The following CELF2 variants were observed in gnomAD, a reference collection of about 807,000 sequenced individuals.
CELF2 encodes CUGBP Elav-like family member 2.
CELF2 carries 8 observed loss-of-function variants against 62.6 expected under a neutral mutation model. The observed-to-expected ratio is 0.13, with a 90% CI of 0.07 to 0.23. The LOEUF (loss-of-function observed/expected upper bound fraction) is 0.23. CELF2 is among the 10% of genes least tolerant of loss of function. The probability of loss-of-function intolerance (pLI) is 1.00; values close to 1 mark genes in which losing one functional copy is unlikely to be tolerated. For synonymous variants in CELF2, 258 were observed against 250.0 expected (o/e 1.03, Z -0.30); for missense variants, 333 against 671.0 (o/e 0.50, Z 5.56).
the CELF2 span, among the ~76,000 whole-genome samples, chr10:10,722,103 C>T: frequency 6.6e-6 from 1 of 151,732 alleles, no homozygotes; most frequent in Non-Finnish European, 1.5e-5. Context: ...AGGAGTGGGA[C>T]CAGCCTGGGC....
chr10:10,720,382 G>A, the CELF2 span, among the ~76,000 whole-genome samples: 1 of 152,086 alleles, frequency 6.6e-6, no homozygotes, highest in South Asian at 2.1e-4. Context: ...GGCTCTCATT[G>A]CCAGCACCCC....
At position 11,270,050 on chromosome 10, in the gene CELF2, A is replaced by G. The variant is rs539119977; in HGVS notation, c.619-616A>G. Among the ~76,000 whole-genome samples, 2 of 152,298 alleles carry G rather than the reference A, an allele frequency of 1.3e-5. No individual in the cohort carries two copies. Among genetic ancestry groups the G allele is most frequent in the Non-Finnish European group, 2.9e-5 (2 of 68,024 alleles). ...GGGAAGAGGCCTCTCTGAAAACGTGAACGGTTACTTTGGAGAATGCCTGTG... is the reference window on the plus strand; with the variant it reads ...GGGAAGAGGCCTCTCTGAAAACGTGGACGGTTACTTTGGAGAATGCCTGTG... On this transcript the variant is annotated intron_variant, in intron 6 of 12. Transcript: ENST00000633077. The surrounding 1 kb of genome is among the most constrained non-coding windows in gnomAD (Gnocchi z 5.8).
At chr10:11,326,551 A>G (rs535477983) in intron 12 of CELF2, among the ~76,000 whole-genome samples, 3 of 152,310 alleles carry the variant, frequency 2.0e-5, no homozygotes, top group East Asian at 3.9e-4. Context: ...CTCAGCTGCC[A>G]TGCCCCCTTT....
chr10:11,023,458 G>C (rs958078839), intron 1 of CELF2, among the ~76,000 whole-genome samples: 1 of 152,218 alleles, frequency 6.6e-6, no homozygotes, highest in Non-Finnish European at 1.5e-5. Flanking sequence ...ATGCTTTCAG[G>C]TAATTGTAAA....
chr10:10,655,984 G>A, the CELF2 span, among the ~76,000 whole-genome samples: 1 of 145,156 alleles, frequency 6.9e-6, no homozygotes, highest in Non-Finnish European at 1.5e-5. Flanking sequence ...CTGACAAAGG[G>A]CTAATATCCA....
intron 2 of CELF2, among the ~76,000 whole-genome samples, chr10:10,943,672 C>A (rs568105745): frequency 2.0e-5 from 3 of 152,222 alleles, no homozygotes; most frequent in African/African-American, 4.8e-5. Context: ...AATCTTGGTT[C>A]ACTGCAACCT....
rs2066098201 is a variant in CELF2 at position 10,931,871 on chromosome 10, A to T, written c.89+11872A>T. ...GCTAGGGAGGCCTCACAACCATGGC[A>T]GAAGGTGAATGAGGATCAAAGTCAT... On this transcript the variant is annotated intron_variant, in intron 2 of 13. Coordinates refer to the CELF2 transcript ENST00000636488. This position sits in a 1 kb window ranked among gnomAD's most constrained non-coding sequence, Gnocchi z 6.1. Among the ~76,000 whole-genome samples the T allele has an allele frequency of 6.6e-6, 1 of 152,218 alleles. No individual in the cohort carries two copies. The highest frequency in any genetic ancestry group is 2.1e-4 in the South Asian group (1 of 4,836).
chr10:11,048,378 A>G (rs1450742162), intron 1 of CELF2, among the ~76,000 whole-genome samples: 1 of 152,236 alleles, frequency 6.6e-6, no homozygotes, highest in African/African-American at 2.4e-5. Flanking sequence ...TATTACGTAT[A>G]TAAAAGTAGT....
At chr10:11,103,498 T>G (rs548930905) in intron 1 of CELF2, among the ~76,000 whole-genome samples, 1 of 150,472 alleles carries the variant, frequency 6.6e-6, no homozygotes, top group South Asian at 2.1e-4. Context: ...TTTTTTTTTT[T>G]TTTTTTTTTA....
At chr10:10,505,515 C>T in the CELF2 span, among the ~76,000 whole-genome samples, 1 of 152,006 alleles carries the variant, frequency 6.6e-6, no homozygotes, top group Non-Finnish European at 1.5e-5. Flanking sequence ...ATAGAGACCA[C>T]TAACACCAAG....
intron 1 of CELF2, among the ~76,000 whole-genome samples, chr10:10,904,890 A>G (rs1300579302): frequency 6.6e-6 from 1 of 152,238 alleles, no homozygotes; most frequent in Non-Finnish European, 1.5e-5. Flanking sequence ...ATCTATAAGT[A>G]AAATTGAGGA....
In CELF2 at chr10:10,947,894, G is replaced by A. The variant is rs1352174847; in HGVS notation, c.89+27895G>A. Among the ~76,000 whole-genome samples, 1 of 152,176 alleles carries A rather than the reference G, an allele frequency of 6.6e-6. No individual in the cohort carries two copies. Among genetic ancestry groups the A allele is most frequent in the East Asian group, 1.9e-4 (1 of 5,202 alleles). The stretch of plus-strand genomic sequence containing the variant: ...GAGGTGGGATCCCATAGGAGCTTGA[G>A]GCAAGAACGTCCAAGCATGGTAGAA... On this transcript the variant is annotated intron_variant, in intron 2 of 13. Coordinates refer to the CELF2 transcript ENST00000636488. The surrounding 1 kb of genome is among the most constrained non-coding windows in gnomAD (Gnocchi z 4.1).
At chr10:11,019,382 C>T (rs2057921505) in intron 1 of CELF2, among the ~76,000 whole-genome samples, 2 of 152,120 alleles carry the variant, frequency 1.3e-5, no homozygotes, top group Middle Eastern at 3.2e-3. Context: ...CTGTTCTACC[C>T]ACTGTAGGAC....
rs1194814816 is a variant in CELF2 at position 11,183,052 on chromosome 10, GA to G, written c.271+17373del. On this transcript the variant is annotated intron_variant, in intron 2 of 12. Coordinates refer to ENST00000633077, the MANE Select transcript of CELF2 (RefSeq NM_001326342.2). ...CATCTTAACATATGTATACACCTGTGAAACCATCACAACAATCAAAATAACA... is the reference window on the plus strand; with the variant it reads ...CATCTTAACATATGTATACACCTGTGAACCATCACAACAATCAAAATAACA... 2.6e-5 allele frequency among the ~76,000 whole-genome samples: 4 copies of G among 152,252 alleles called. No homozygotes were observed. The East Asian group carries it at 7.7e-4, about 29-fold the overall frequency.
At position 11,302,220 on chromosome 10, in the gene CELF2, G is replaced by A. The variant is rs1477091446; in HGVS notation, c.977-11919G>A. Reference sequence around the variant, plus strand: ...CACAAACCAAACCTTCCCACTCCCTGCAGCCTCTCACCTTCTCATGCCTCA... The same window carrying A: ...CACAAACCAAACCTTCCCACTCCCTACAGCCTCTCACCTTCTCATGCCTCA... On this transcript the variant is annotated intron_variant, in intron 9 of 12. Transcript: ENST00000633077. The surrounding 1 kb of genome is among the most constrained non-coding windows in gnomAD (Gnocchi z 5.0). 2.0e-5 allele frequency among the ~76,000 whole-genome samples: 3 copies of A among 152,192 alleles called. No homozygotes were observed. Among genetic ancestry groups the A allele is most frequent in the Admixed American group, 1.3e-4 (2 of 15,278 alleles).
chr10:10,937,631 G>A (rs1414459967), intron 2 of CELF2: 1 of 152,158 alleles, frequency 6.6e-6, no homozygotes, highest in East Asian at 1.9e-4. Flanking sequence ...ATCATATTAG[G>A]ATACAGTATC....
At chr10:10,480,365 C>A in the CELF2 span, among the ~76,000 whole-genome samples, 1 of 152,116 alleles carries the variant, frequency 6.6e-6, no homozygotes, top group East Asian at 1.9e-4. Flanking sequence ...AGAGTCAGCT[C>A]CCCTTATCTA....
chr10:11,228,104 T>C lies in CELF2; in HGVS notation c.354+10597T>C, dbSNP rs149199026. On this transcript the variant is annotated intron_variant, in intron 3 of 12. Coordinates refer to ENST00000633077, the MANE Select transcript of CELF2 (RefSeq NM_001326342.2). The stretch of plus-strand genomic sequence containing the variant: ...CTATATATGTTATATGCTTAGTAAA[T>C]GTCAGAACAGTAGTCACAGAACCTC... Among the ~76,000 whole-genome samples the C allele has an allele frequency of 1.5e-3, 232 of 152,332 alleles. 1 individual carries two copies. Among genetic ancestry groups the C allele is most frequent in the Admixed American group, 5.7e-3 (87 of 15,310 alleles).
At chr10:11,109,794 C>T (rs2054632196) in intron 1 of CELF2, among the ~76,000 whole-genome samples, 1 of 152,194 alleles carries the variant, frequency 6.6e-6, no homozygotes. Context: ...TTATTTAACT[C>T]CTGCATGCAC....
Sources: allele counts gnomAD v4.1 joint callset (sites outside exome capture counted in the v4.1 genomes callset), GRCh38; gene constraint gnomAD v4.1.1; non-coding constraint Gnocchi (gnomAD v3.1); transcripts MANE v1.5; gene names NCBI Gene and HGNC (gene_info 2026-07-23, HGNC 2026-07-21).